Variants in IQGAP2 observed in about 807,000 individuals in gnomAD.
IQGAP2 encodes IQ motif containing GTPase activating protein 2.
A neutral mutation model predicts 201.3 loss-of-function variants in IQGAP2; 173 were observed. That is an observed-to-expected ratio of 0.86 (90% CI 0.76 to 0.98). The LOEUF is 0.98. IQGAP2 is among the 50% of genes least tolerant of loss of function. The probability of loss-of-function intolerance (pLI) is 0.00; values close to 1 mark genes in which losing one functional copy is unlikely to be tolerated. For synonymous variants in IQGAP2, 675 were observed against 673.9 expected (o/e 1.00, Z -0.03); for missense variants, 1,687 against 1,864.8 (o/e 0.90, Z 1.76).
chr5:76,562,629 C>A, intron 3 of IQGAP2, 77 bp downstream of exon 3: 1 of 1,304,854 alleles, frequency 7.7e-7, no homozygotes, highest in Non-Finnish European at 1.1e-6. Context: ...CCTTCTTTTA[C>A]TCTTAGTGTT....
At chr5:76,589,256 G>A (rs1475959585) in intron 6 of IQGAP2, among the ~76,000 whole-genome samples, 2 of 148,860 alleles carry the variant, frequency 1.3e-5, no homozygotes, top group African/African-American at 5.0e-5. Flanking sequence ...AGCTTGCAGT[G>A]AGCTGAGATT....
At chr5:76,678,859 G>A (rs557183897) in intron 28 of IQGAP2, among the ~76,000 whole-genome samples, 59 of 152,316 alleles carry the variant, frequency 3.9e-4, no homozygotes, top group African/African-American at 1.3e-3. Context: ...TAGGTTTGAA[G>A]GAAAGATTGA....
rs962206317 is a variant in IQGAP2, at chr5:76,673,516, G to T, written c.3136G>T (p.Ala1046Ser). ...CCCAGAAGTGAAAAATAAACTGGAG[G>T]CTTCCATTGAGAACCTGAGAAGGGT... Reference protein sequence around the residue: ...TYPEVKNKLEASIENLRRVTD... With the variant: ...TYPEVKNKLESSIENLRRVTD... The change falls in exon 25 of 36, where the codon GCT becomes TCT. Residue 1046 changes from alanine (A) to serine (S), a missense_variant. Transcript: ENST00000274364. 10 of 1,613,892 alleles carry T rather than the reference G, an allele frequency of 6.2e-6. No individual in the cohort carries two copies. Among genetic ancestry groups the T allele is most frequent in the African/African-American group, 2.7e-5 (2 of 74,916 alleles).
chr5:76,644,295 C>CTGTTTTTTTTTTTTTTTTTTTTTTTTT (rs1751839662), intron 17 of IQGAP2, among the ~76,000 whole-genome samples: 1 of 47,778 alleles, frequency 2.1e-5, no homozygotes, highest in African/African-American at 7.2e-5. Flanking sequence ...TTTGTAAATC[C>CTGTTTTTTTTTTTTTTTTTTTTTTTTT]TTTTTTTTTT....
chr5:76,562,031 G>T (rs1744408747), intron 2 of IQGAP2, among the ~76,000 whole-genome samples: 1 of 152,126 alleles, frequency 6.6e-6, no homozygotes, highest in Non-Finnish European at 1.5e-5. Context: ...TCTGCCAAGG[G>T]CTCCTAAACT....
At chr5:76,588,528 G>T (rs909102659) in intron 5 of IQGAP2, among the ~76,000 whole-genome samples, 1 of 152,170 alleles carries the variant, frequency 6.6e-6, no homozygotes, top group Non-Finnish European at 1.5e-5. Flanking sequence ...TATAATTCAT[G>T]CTGTACCTTC....
chr5:76,615,668 A>G (rs989805445), intron 13 of IQGAP2: 1 of 152,114 alleles, frequency 6.6e-6, no homozygotes, highest in South Asian at 2.1e-4. Flanking sequence ...AATCACTAAT[A>G]TCTTCCCTCC....
chr5:76,452,999 C>CTCCCAGG (rs1753862675), intron 1 of IQGAP2, among the ~76,000 whole-genome samples: 1 of 150,816 alleles, frequency 6.6e-6, no homozygotes, highest in African/African-American at 2.4e-5. Context: ...CAACCTCCGC[C>CTCCCAGG]TCCCAGGTCC....
Position 76,615,220 on chromosome 5 carries a change from CTG to C in IQGAP2, c.1521+4042_1521+4043del, listed in dbSNP as rs2069695. 2.7e-3 allele frequency among the ~76,000 whole-genome samples: 409 copies of C among 152,338 alleles called. 1 individual carries two copies. The highest frequency in any genetic ancestry group is 9.5e-3 in the African/African-American group (396 of 41,584). ...TTGCTCCTTGTATATACCATAAAAA[CTG>C]TGTGCTTTTAACGAATATTGCTGTA... is the stretch of plus-strand genomic sequence containing the variant. On this transcript the variant is annotated intron_variant, in intron 13 of 35. Transcript: ENST00000274364.
chr5:76,641,403 A>G (rs559942988), intron 17 of IQGAP2, among the ~76,000 whole-genome samples: 1 of 152,236 alleles, frequency 6.6e-6, no homozygotes, highest in Non-Finnish European at 1.5e-5. Context: ...AGTTGAAATC[A>G]TACCTGACTT....
intron 2 of IQGAP2, among the ~76,000 whole-genome samples, chr5:76,554,897 T>G (rs1743828696): frequency 6.6e-6 from 1 of 152,052 alleles, no homozygotes; most frequent in Non-Finnish European, 1.5e-5. Flanking sequence ...CAAAAAGTTA[T>G]GGGGGAAAAT....
In IQGAP2 at chr5:76,593,076, G is replaced by A. The variant is rs1185760862; in HGVS notation, c.907+151G>A. ...CAGTGTCAGTGTTGCTCTTAATTAT[G>A]GTGCAGCATTTGGCAGTTTCCCACT... On this transcript the variant is annotated intron_variant, in intron 9 of 35. Transcript: ENST00000274364. 4 of 634,970 alleles carry A rather than the reference G, an allele frequency of 6.3e-6. No homozygotes were observed. The East Asian group carries it at 1.1e-4, about 17-fold the overall frequency. 39.3% of individuals were successfully genotyped at this position (634,970 alleles called of 1,614,324 possible).
chr5:76,571,098 TA>T (rs200735086), intron 4 of IQGAP2, among the ~76,000 whole-genome samples: 3,600 of 132,562 alleles, frequency 0.027, 94 homozygotes, highest in African/African-American at 0.077. Flanking sequence ...CTGTCTCTAT[TA>T]AAAAAAAAAA....
Position 76,589,730 on chromosome 5 carries a change from T to A in IQGAP2, c.640+2T>A. ...AACTGTCCGTGGATGAAGCTGCATG[T>A]AAGTCCATTCAAAATCCAAACTTGC... On this transcript the variant is annotated splice_donor_variant, in intron 7 of 35. Transcript: ENST00000274364. LOFTEE classifies it high-confidence loss of function. 6.4e-7 allele frequency: 1 copy of A among 1,563,702 alleles called. No individual in the cohort carries two copies. The highest frequency in any genetic ancestry group is 8.7e-7 in the Non-Finnish European group (1 of 1,150,762).
chr5:76,586,202 C>T (rs1746234178), intron 5 of IQGAP2, among the ~76,000 whole-genome samples: 1 of 152,092 alleles, frequency 6.6e-6, no homozygotes, highest in African/African-American at 2.4e-5. Context: ...GGAATGTATC[C>T]TCTCTTGCTA....
chr5:76,415,942 C>CAAAA (rs11394699), intron 1 of IQGAP2, among the ~76,000 whole-genome samples: 1 of 135,720 alleles, frequency 7.4e-6, no homozygotes, highest in African/African-American at 2.7e-5. Flanking sequence ...GTAACTGTCT[C>CAAAA]AAAAAAAAAA....
chr5:76,669,407 A>T (rs3797450), intron 23 of IQGAP2, among the ~76,000 whole-genome samples: 112,044 of 152,072 alleles, frequency 0.74, 41,947 homozygotes, highest in Middle Eastern at 0.8. Flanking sequence ...ACCTCTGCCC[A>T]CCAGGTGTCT....
intron 22 of IQGAP2, among the ~76,000 whole-genome samples, chr5:76,667,450 G>A (rs530455747): frequency 1.3e-5 from 2 of 152,284 alleles, no homozygotes; most frequent in South Asian, 4.2e-4. Flanking sequence ...AAGATTAGGA[G>A]TATTAAATTT....
chr5:76,541,244 C>T (rs1243605176), intron 2 of IQGAP2, among the ~76,000 whole-genome samples: 3 of 152,062 alleles, frequency 2.0e-5, no homozygotes, highest in African/African-American at 7.2e-5. Flanking sequence ...CTGTGATCTG[C>T]CTACTTTAGA....
Sources: allele counts gnomAD v4.1 joint callset (sites outside exome capture counted in the v4.1 genomes callset), GRCh38; gene constraint gnomAD v4.1.1; transcripts MANE v1.5; gene names NCBI Gene and HGNC (gene_info 2026-07-23, HGNC 2026-07-21).